The following KMT2C variants were observed in gnomAD, a reference collection of about 807,000 sequenced individuals.
KMT2C encodes the protein histone-lysine N-methyltransferase 2C.
Under a neutral mutation model 507.9 loss-of-function variants are expected in KMT2C, and 88 were observed. That is an observed-to-expected ratio of 0.17 (90% CI 0.15 to 0.21). The LOEUF is 0.21. Among genes scored for constraint, KMT2C ranks in the 10% least tolerant of loss-of-function variants. The probability of loss-of-function intolerance (pLI) is 1.00; values close to 1 mark genes in which losing one functional copy is unlikely to be tolerated. For missense variants in KMT2C, 4,954 were observed against 5,957.8 expected (o/e 0.83, Z 5.55); for synonymous variants, 2,049 against 2,080.8 (o/e 0.98, Z 0.42).
At position 152,194,059 on chromosome 7, in the gene KMT2C, G is replaced by C; in HGVS notation, c.4610C>G (p.Pro1537Arg). ...TGTTGGTGGGGGAGGCTGTGGCAAT[G>C]GAGTTGGCTGAGTGTTCGCAGGACT... ...VLSPANTQPTPLPQPPPPTQL... is the reference protein window; with the variant it reads ...VLSPANTQPTRLPQPPPPTQL... Residue 1537 changes from proline (P) to arginine (R), a missense_variant, in exon 31 of 59, where the codon CCA becomes CGA. Pro to Arg is a moderately radical substitution (Grantham distance 103, BLOSUM62 -2). This residue lies in a region of KMT2C where 195 missense variants were observed against 183.7 expected (regional missense o/e 1.06). Transcript: ENST00000262189. The C allele has an allele frequency of 3.1e-6, 5 of 1,591,906 alleles. No homozygotes were observed. Among genetic ancestry groups the C allele is most frequent in the African/African-American group, 1.4e-5 (1 of 73,482 alleles).
At chr7:152,268,870 G>A (rs900974178) in intron 7 of KMT2C, among the ~76,000 whole-genome samples, 5 of 152,154 alleles carry the variant, frequency 3.3e-5, no homozygotes, top group South Asian at 2.1e-4. Context: ...GCGACATGTG[G>A]TTTCCAAACA....
chr7:152,428,480 A>C (rs1369782636), intron 1 of KMT2C, among the ~76,000 whole-genome samples: 6 of 136,912 alleles, frequency 4.4e-5, no homozygotes, highest in Admixed American at 2.2e-4. Flanking sequence ...AAAAAAAAAA[A>C]ACTAGCCGGG....
At chr7:152,285,303 C>A (rs2096277718) in intron 6 of KMT2C, among the ~76,000 whole-genome samples, 1 of 152,404 alleles carries the variant, frequency 6.6e-6, no homozygotes, top group African/African-American at 2.4e-5. Context: ...TTGGCAGGAG[C>A]TGGAGTGGGA....
At chr7:152,172,679 C>T (rs953749897) in intron 39 of KMT2C, among the ~76,000 whole-genome samples, 1 of 152,164 alleles carries the variant, frequency 6.6e-6, no homozygotes, top group African/African-American at 2.4e-5. Context: ...CAGCGAAACT[C>T]CGTCTCAGAA....
At position 152,339,146 on chromosome 7, in the gene KMT2C, C is replaced by T. The variant is rs187840299; in HGVS notation, c.251-8407G>A. On this transcript the variant is annotated intron_variant, in intron 2 of 58. Coordinates refer to ENST00000262189, the MANE Select transcript of KMT2C (RefSeq NM_170606.3). ...TCAATTTTGGACTCCCTTATCAATA[C>T]ATTAGTATATTCTTTCAAAGCGTCC... 1.4e-3 allele frequency among the ~76,000 whole-genome samples: 213 copies of T among 152,278 alleles called. 1 individual carries two copies. Among genetic ancestry groups the T allele is most frequent in the Admixed American group, 3.1e-3 (48 of 15,302 alleles).
At chr7:152,199,956 G>C (rs1275576402) in intron 26 of KMT2C, among the ~76,000 whole-genome samples, 3 of 152,058 alleles carry the variant, frequency 2.0e-5, no homozygotes. Context: ...GCTACTAAAG[G>C]CTTGTGGTTT....
rs945467133 is a variant in KMT2C at position 152,202,996 on chromosome 7, T to C, written c.4030A>G (p.Ile1344Val). Residue 1344 changes from isoleucine to valine, a missense_variant, in exon 26 of 59, where the codon ATA becomes GTA. Coordinates refer to ENST00000262189, the MANE Select transcript of KMT2C (RefSeq NM_170606.3). ...TTCCTTTTTCGGTATCTCTTCTTTA[T>C]TTTTTCAGTGCTTTCAGTAACAGAA... ...SVSVTESTEK[I>V]KKRYRKRKNK... 1.2e-6 allele frequency: 2 copies of C among 1,610,932 alleles called. No individual in the cohort carries two copies. Among genetic ancestry groups the C allele is most frequent in the Admixed American group, 1.7e-5 (1 of 59,828 alleles).
chr7:152,276,170 A>G (rs1286006510), intron 6 of KMT2C, among the ~76,000 whole-genome samples: 5 of 152,234 alleles, frequency 3.3e-5, no homozygotes, highest in African/African-American at 1.2e-4. Context: ...CTTCAAACCC[A>G]TCTGTTACAA....
intron 1 of KMT2C, among the ~76,000 whole-genome samples, chr7:152,418,031 C>G (rs2097756639): frequency 6.6e-6 from 1 of 151,516 alleles, no homozygotes; most frequent in Admixed American, 6.6e-5. Flanking sequence ...CGGCTCACTG[C>G]AACCTTTGCC....
rs1236036399 is a variant in KMT2C at position 152,137,041 on chromosome 7, A to C, written c.14644-117T>G. 1.2e-5 allele frequency: 9 copies of C among 764,926 alleles called. No individual in the cohort carries two copies. In the Admixed American group the frequency reaches 1.3e-4, roughly 11 times the overall value. 47.4% of individuals were successfully genotyped at this position (764,926 alleles called of 1,614,324 possible). A position where few individuals can be genotyped will look rare whatever the true frequency, so the allele number is the denominator to read the frequency against. On this transcript the variant is annotated intron_variant, in intron 58 of 58. Transcript: ENST00000262189. ...ACGAAACAGACGTAAATTAAGGAAG[A>C]CCTGATTTATTGAGGTTCCATGGGA... is the stretch of plus-strand genomic sequence containing the variant.
intron 51 of KMT2C, among the ~76,000 whole-genome samples, chr7:152,150,079 G>T (rs1434531822): frequency 6.6e-6 from 1 of 152,140 alleles, no homozygotes; most frequent in Non-Finnish European, 1.5e-5. Flanking sequence ...GCAATAACCT[G>T]GATGGAGGAA....
chr7:152,358,608 T>C lies in KMT2C; in HGVS notation c.229A>G (p.Thr77Ala). 2 of 1,611,046 alleles carry C rather than the reference T, an allele frequency of 1.2e-6. No individual in the cohort carries two copies. The highest frequency in any genetic ancestry group is 1.1e-5 in the South Asian group (1 of 90,658). ...ATACCTGTTTCCACAATCGTTTCTG[T>C]TTCTGTTGTCTCCAGCCCATCCATG... ...DSMDGLETTE[T>A]ETIVETEIKE... Residue 77 changes from threonine to alanine, a missense_variant, in exon 2 of 59, where the codon ACA becomes GCA. Around this residue, in one of 29 missense-constraint regions of KMT2C, gnomAD observed 233 missense variants for 263.6 expected, o/e 0.88. Coordinates refer to ENST00000262189, the MANE Select transcript of KMT2C (RefSeq NM_170606.3).
intron 12 of KMT2C, among the ~76,000 whole-genome samples, chr7:152,250,405 T>C (rs571932718): frequency 2.0e-5 from 3 of 152,260 alleles, no homozygotes; most frequent in Admixed American, 1.3e-4. Flanking sequence ...TAATTCCAGA[T>C]CTGCAAGTAC....
chr7:152,160,615 A>ATATATATATATTTATATATTTATATT (rs1178774433), intron 43 of KMT2C, among the ~76,000 whole-genome samples: 8 of 145,458 alleles, frequency 5.5e-5, no homozygotes, highest in Non-Finnish European at 8.9e-5. Flanking sequence ...AAAATTAATT[A>ATATATATATATTTATATATTTATATT]TATATATATA....
chr7:152,379,468 G>T (rs1312066721), intron 1 of KMT2C, among the ~76,000 whole-genome samples: 1 of 151,824 alleles, frequency 6.6e-6, no homozygotes, highest in Admixed American at 6.6e-5. Context: ...AACCCAGAAG[G>T]TGGAGGTTGC....
chr7:152,301,588 G>A (rs1301680837), intron 6 of KMT2C, among the ~76,000 whole-genome samples: 1 of 152,150 alleles, frequency 6.6e-6, no homozygotes, highest in Non-Finnish European at 1.5e-5. Context: ...TCTAAAGGCT[G>A]AGACGGGAGG....
In KMT2C at chr7:152,156,226, C is replaced by CAT; in HGVS notation, c.11790_11791insAT (p.Gly3931MetfsTer4). The CAT allele has an allele frequency of 6.2e-7, 1 of 1,614,092 alleles. No individual in the cohort carries two copies. Among genetic ancestry groups the CAT allele is most frequent in the Non-Finnish European group, 8.5e-7 (1 of 1,180,014 alleles). ...ATACCTTCATGGCTCACTAACACTCCGGCTTTTCCAGCAAGTTCTTCAGTT... is the reference window on the plus strand; with the variant it reads ...ATACCTTCATGGCTCACTAACACTCCATGGCTTTTCCAGCAAGTTCTTCAGTT... On this transcript the variant is annotated frameshift_variant, in exon 45 of 59. Coordinates refer to ENST00000262189, the MANE Select transcript of KMT2C (RefSeq NM_170606.3). LOFTEE classifies it high-confidence loss of function.
intron 1 of KMT2C, among the ~76,000 whole-genome samples, chr7:152,382,194 A>G (rs1034827932): frequency 1.3e-5 from 2 of 152,212 alleles, no homozygotes; most frequent in African/African-American, 4.8e-5. Context: ...TTTCCAGATC[A>G]GAGACATCAA....
At chr7:152,271,245 T>G (rs1198389306) in intron 7 of KMT2C, among the ~76,000 whole-genome samples, 1 of 152,160 alleles carries the variant, frequency 6.6e-6, no homozygotes, top group Admixed American at 6.5e-5. Context: ...AAAATATTTA[T>G]AAAACATGTT....
Sources: gnomAD v4.1 joint callset for allele counts (sites outside exome capture counted in the v4.1 genomes callset) on GRCh38, gnomAD v4.1.1 for gene constraint, gnomAD v4.1.1 regional missense constraint, MANE v1.5 for transcripts, NCBI Gene and HGNC (gene_info 2026-07-23, HGNC 2026-07-21) for gene names.